PLD5: variants seen among roughly 807,000 people sequenced by gnomAD.
PLD5 encodes inactive phospholipase D5.
A neutral mutation model predicts 61.1 loss-of-function variants in PLD5; 36 were observed. That is an observed-to-expected ratio of 0.59 (90% CI 0.45 to 0.78). The LOEUF is 0.78. Ranked by LOEUF, PLD5 falls within the 30% of genes least tolerant of loss-of-function variation. PLD5 has a pLI of 0.00. For missense variants in PLD5, 515 were observed against 644.4 expected, an observed-to-expected ratio of 0.80 and a Z score of 2.17; for synonymous variants, 243 against 242.8, an observed-to-expected ratio of 1.00 and a Z score of -0.01.
intron 7 of PLD5, among the ~76,000 whole-genome samples, chr1:242,108,483 C>A (rs1463624499): frequency 2.0e-5 from 3 of 152,154 alleles, no homozygotes; most frequent in Non-Finnish European, 4.4e-5. Context: ...TCCCTGAGGC[C>A]ACAGCTTCTC....
intron 4 of PLD5, among the ~76,000 whole-genome samples, chr1:242,264,641 C>T (rs868695194): frequency 4.6e-4 from 70 of 152,274 alleles, no homozygotes; most frequent in African/African-American, 1.4e-3. Context: ...CTTCTAGGGA[C>T]GTCCGGCAGC....
At chr1:242,176,321 A>G (rs2148890298) in intron 5 of PLD5, among the ~76,000 whole-genome samples, 1 of 152,316 alleles carries the variant, frequency 6.6e-6, no homozygotes, top group African/African-American at 2.4e-5. Context: ...ATCTGACCCA[A>G]AGAAGCAATG....
intron 6 of PLD5, 39 bp downstream of exon 6, chr1:242,124,429 G>A: frequency 1.3e-6 from 2 of 1,573,406 alleles, no homozygotes; most frequent in Non-Finnish European, 8.7e-7. Context: ...GCCTTTGGAG[G>A]AAGAAGGAGA....
chr1:242,099,423 A>G (rs908028638), intron 9 of PLD5, among the ~76,000 whole-genome samples: 52 of 152,316 alleles, frequency 3.4e-4, no homozygotes, highest in Admixed American at 9.8e-4. Flanking sequence ...CACTGCACCC[A>G]GCCAGATATA....
intron 5 of PLD5, among the ~76,000 whole-genome samples, chr1:242,178,786 G>A (rs1574461363): frequency 6.6e-6 from 1 of 152,208 alleles, no homozygotes; most frequent in Non-Finnish European, 1.5e-5. Context: ...AGAAGCCACT[G>A]ATCCCTCCAT....
intron 7 of PLD5, among the ~76,000 whole-genome samples, chr1:242,110,085 TTATTA>T (rs1232323600): frequency 7.3e-5 from 10 of 136,328 alleles, no homozygotes; most frequent in African/African-American, 5.3e-5. Flanking sequence ...TATATTATTA[TTATTA>T]TATTATTATA....
chr1:242,523,091 G>A (rs568905277), intron 1 of PLD5, among the ~76,000 whole-genome samples: 3 of 152,304 alleles, frequency 2.0e-5, no homozygotes, highest in African/African-American at 4.8e-5. Flanking sequence ...AAATGCGTGA[G>A]TTCCAGGAGT....
At chr1:242,240,851 C>G (rs1408091221) in intron 4 of PLD5, among the ~76,000 whole-genome samples, 1 of 152,064 alleles carries the variant, frequency 6.6e-6, no homozygotes, top group Non-Finnish European at 1.5e-5. Flanking sequence ...TGTATGTTGA[C>G]TCTTTCTTCC....
intron 5 of PLD5, among the ~76,000 whole-genome samples, chr1:242,124,911 T>C (rs754050663): frequency 1.3e-5 from 2 of 152,236 alleles, no homozygotes; most frequent in Non-Finnish European, 2.9e-5. Context: ...TAATTTCTTA[T>C]ATTCATCTAT....
At chr1:242,108,724 T>A (rs1661257213) in intron 7 of PLD5, among the ~76,000 whole-genome samples, 1 of 152,258 alleles carries the variant, frequency 6.6e-6, no homozygotes, top group Non-Finnish European at 1.5e-5. Flanking sequence ...ATCAAACTCT[T>A]GCCCTAATTC....
intron 1 of PLD5, among the ~76,000 whole-genome samples, chr1:242,367,668 G>T (rs1019674298): frequency 6.6e-6 from 1 of 152,032 alleles, no homozygotes; most frequent in Non-Finnish European, 1.5e-5. Context: ...ACATAGAGGT[G>T]GGCAGGTAAC....
intron 5 of PLD5, among the ~76,000 whole-genome samples, chr1:242,180,151 C>T (rs1667430860): frequency 6.6e-6 from 1 of 152,068 alleles, no homozygotes; most frequent in African/African-American, 2.4e-5. Context: ...GCTGTGTCAC[C>T]GACCAGATGT....
chr1:242,462,464 T>C (rs967148821), intron 1 of PLD5, among the ~76,000 whole-genome samples: 3 of 152,028 alleles, frequency 2.0e-5, no homozygotes, highest in African/African-American at 7.2e-5. Context: ...CACTGGGGAC[T>C]GCTAGAGTGG....
intron 4 of PLD5, among the ~76,000 whole-genome samples, chr1:242,241,208 G>A (rs1671978991): frequency 6.6e-6 from 1 of 152,110 alleles, no homozygotes; most frequent in South Asian, 2.1e-4. Context: ...CTGTAGTACT[G>A]ATATGATGTC....
chr1:242,376,128 C>T (rs900167097), intron 1 of PLD5, among the ~76,000 whole-genome samples: 3 of 152,196 alleles, frequency 2.0e-5, no homozygotes. Context: ...TCGTTACTTT[C>T]CCTCCTTGTG....
intron 1 of PLD5, among the ~76,000 whole-genome samples, chr1:242,412,893 C>A (rs948099174): frequency 6.6e-6 from 1 of 152,144 alleles, no homozygotes; most frequent in African/African-American, 2.4e-5. Context: ...ATTACGAAAC[C>A]ACTTTCTGGA....
At chr1:242,156,341 G>T (rs1172288736) in intron 5 of PLD5, among the ~76,000 whole-genome samples, 2 of 152,146 alleles carry the variant, frequency 1.3e-5, no homozygotes, top group Non-Finnish European at 2.9e-5. Context: ...GGGGCATTTA[G>T]CCCATTTACA....
intron 2 of PLD5, among the ~76,000 whole-genome samples, chr1:242,343,519 T>C (rs1659958071): frequency 6.6e-6 from 1 of 150,900 alleles, no homozygotes; most frequent in Non-Finnish European, 1.5e-5. Context: ...TGCTCGAGCT[T>C]CTGCAGACCA....
chr1:242,212,757 T>C (rs551322075), intron 5 of PLD5, among the ~76,000 whole-genome samples: 2 of 152,362 alleles, frequency 1.3e-5, no homozygotes, highest in Non-Finnish European at 2.9e-5. Context: ...GTGCTCCTTA[T>C]GTACAAGCGA....
Sources: gnomAD v4.1 joint callset for allele counts (sites outside exome capture counted in the v4.1 genomes callset) on GRCh38, gnomAD v4.1.1 for gene constraint, MANE v1.5 for transcripts, NCBI Gene and HGNC (gene_info 2026-07-23, HGNC 2026-07-21) for gene names.